ANKRD36C: variants seen among roughly 807,000 people sequenced by gnomAD.
ANKRD36C encodes the protein ankyrin repeat domain-containing protein 36C.
In ANKRD36C, 61 loss-of-function variants were observed where a neutral mutation model predicts 276.4. The observed-to-expected ratio is 0.22, with a 90% CI of 0.18 to 0.27. The LOEUF is 0.27. Ranked by LOEUF, ANKRD36C falls within the 10% of genes least tolerant of loss-of-function variation. The pLI is 1.00. For missense variants in ANKRD36C, 1,447 were observed against 2,032.3 expected (o/e 0.71, Z 5.54); for synonymous variants, 483 against 680.1 (o/e 0.71, Z 4.51).
At chr2:95,917,908 T>A (rs774974641) in exon 36 of ANKRD36C, 28 of 1,607,220 alleles carry the variant, frequency 1.7e-5, no homozygotes, top group Non-Finnish European at 2.3e-5. Flanking sequence ...CGAAACAGAA[T>A]CTTCCTCGTC....
intron 32 of ANKRD36C, among the ~76,000 whole-genome samples, chr2:95,922,136 G>A (rs1384184982): frequency 6.6e-6 from 1 of 151,594 alleles, no homozygotes; most frequent in African/African-American, 2.4e-5. Context: ...TCAATCACCT[G>A]GGAAAATCTC....
At chr2:95,931,808 C>T (rs1235717601) in intron 24 of ANKRD36C, among the ~76,000 whole-genome samples, 1 of 144,326 alleles carries the variant, frequency 6.9e-6, no homozygotes, top group African/African-American at 2.5e-5. Context: ...ATTAAAATTC[C>T]TCTATTTACA....
At chr2:95,888,533 A>T (rs1468554761) in intron 48 of ANKRD36C, among the ~76,000 whole-genome samples, 1 of 151,744 alleles carries the variant, frequency 6.6e-6, no homozygotes, top group African/African-American at 2.4e-5. Flanking sequence ...TAGTACAAAC[A>T]TTCATTGTGC....
chr2:95,883,261 C>T (rs1419777791), intron 54 of ANKRD36C, among the ~76,000 whole-genome samples: 1 of 151,982 alleles, frequency 6.6e-6, no homozygotes, highest in Non-Finnish European at 1.5e-5. Context: ...ATATGAATAA[C>T]CTTTTACATT....
chr2:95,967,540 G>A (rs1234434515), intron 6 of ANKRD36C, among the ~76,000 whole-genome samples: 7 of 152,134 alleles, frequency 4.6e-5, no homozygotes, highest in Admixed American at 2.6e-4. Flanking sequence ...ACTGTTGGTG[G>A]GAGTGTCAAT....
chr2:95,991,559 G>C (rs775746328), exon 1 of ANKRD36C: 3 of 1,613,352 alleles, frequency 1.9e-6, no homozygotes, highest in Non-Finnish European at 2.5e-6. Flanking sequence ...TGAGCAGAAC[G>C]AACTTCAGTT....
intron 66 of ANKRD36C, among the ~76,000 whole-genome samples, chr2:95,851,476 C>T (rs1386186841): frequency 6.6e-6 from 1 of 152,192 alleles, no homozygotes; most frequent in African/African-American, 2.4e-5. Context: ...GAATTACCTT[C>T]AGGCTATGTG....
At chr2:95,951,760 T>C (rs1678203656) in intron 14 of ANKRD36C, among the ~76,000 whole-genome samples, 1 of 48,472 alleles carries the variant, frequency 2.1e-5, no homozygotes, top group East Asian at 9.4e-4. Context: ...AAAAAGTAAA[T>C]TAATCACATT....
At position 95,989,122 on chromosome 2, in the gene ANKRD36C, A is replaced by G. The variant is rs374695931; in HGVS notation, c.198-1916T>C. Among the ~76,000 whole-genome samples, 25 of 152,320 alleles carry G rather than the reference A, an allele frequency of 1.6e-4. No homozygotes were observed. The East Asian group carries it at 4.0e-3, about 25-fold the overall frequency. On this transcript the variant is annotated intron_variant, in intron 1 of 66. Coordinates refer to ENST00000456556, the Ensembl canonical transcript of ANKRD36C. ...AGGCAGATTGCAGTGAGCCAAGATC[A>G]TGCCACTGCACTCCAGGCTGGGCAA...
At chr2:95,868,157 A>G (rs1311018359) in intron 59 of ANKRD36C, among the ~76,000 whole-genome samples, 1 of 152,080 alleles carries the variant, frequency 6.6e-6, no homozygotes, top group African/African-American at 2.4e-5. Flanking sequence ...TGTGGTGGAG[A>G]ATAATGCACA....
In ANKRD36C at chr2:95,917,997, A is replaced by T; in HGVS notation, c.2274+17T>A. 6.3e-7 allele frequency: 1 copy of T among 1,599,930 alleles called. No homozygotes were observed. Among genetic ancestry groups the T allele is most frequent in the Non-Finnish European group, 8.5e-7 (1 of 1,174,342 alleles). ...AGTATGTGTCATAGAATACAATGTAAATGAGAGTTTAATTACCTTCAAGGC... is the reference window on the plus strand; with the variant it reads ...AGTATGTGTCATAGAATACAATGTATATGAGAGTTTAATTACCTTCAAGGC... On this transcript the variant is annotated intron_variant, in intron 35 of 66. Transcript: ENST00000456556.
intron 42 of ANKRD36C, among the ~76,000 whole-genome samples, chr2:95,903,345 C>T (rs1450989001): frequency 5.3e-5 from 8 of 150,398 alleles, no homozygotes; most frequent in African/African-American, 2.0e-4. Flanking sequence ...ATGTCAATAT[C>T]AACGTGGATA....
At chr2:95,871,864 A>G (rs1383767248) in intron 59 of ANKRD36C, among the ~76,000 whole-genome samples, 1 of 151,120 alleles carries the variant, frequency 6.6e-6, no homozygotes, top group African/African-American at 2.4e-5. Context: ...AGGGGTTGCA[A>G]TCCTAGTCTC....
At chr2:95,914,948 C>A (rs1323561667) in intron 38 of ANKRD36C, among the ~76,000 whole-genome samples, 2 of 151,486 alleles carry the variant, frequency 1.3e-5, no homozygotes, top group South Asian at 2.1e-4. Flanking sequence ...CCAAACGTTT[C>A]TTCATCCACT....
chr2:95,862,215 G>A (rs906361122), intron 60 of ANKRD36C, among the ~76,000 whole-genome samples: 2 of 151,946 alleles, frequency 1.3e-5, no homozygotes, highest in African/African-American at 4.8e-5. Context: ...GAATAGACTT[G>A]AACAACACTA....
intron 6 of ANKRD36C, among the ~76,000 whole-genome samples, chr2:95,963,972 A>AATATATATATATATATATAT (rs1160108122): frequency 8.2e-5 from 4 of 48,976 alleles, no homozygotes; most frequent in Non-Finnish European, 1.1e-4. Flanking sequence ...TATATATATA[A>AATATATATATATATATATAT]ATATATATAT....
At chr2:95,872,757 G>A (rs1446569967) in intron 59 of ANKRD36C, among the ~76,000 whole-genome samples, 7 of 149,958 alleles carry the variant, frequency 4.7e-5, no homozygotes, top group Non-Finnish European at 1.0e-4. Flanking sequence ...CAACAAAATT[G>A]ATAGACAGCT....
intron 42 of ANKRD36C, among the ~76,000 whole-genome samples, chr2:95,904,519 TCAA>T (rs1263756139): frequency 1.7e-5 from 1 of 57,246 alleles, no homozygotes; most frequent in Non-Finnish European, 3.1e-5. Flanking sequence ...CCTTATGTCT[TCAA>T]CTGCTCTCCA....
intron 6 of ANKRD36C, among the ~76,000 whole-genome samples, chr2:95,971,447 T>C (rs1678696252): frequency 6.6e-6 from 1 of 151,998 alleles, no homozygotes; most frequent in Admixed American, 6.6e-5. Context: ...AAAATCTCTT[T>C]AGGTTCTTTT....
Sources: gnomAD v4.1 joint callset for allele counts (sites outside exome capture counted in the v4.1 genomes callset) on GRCh38, gnomAD v4.1.1 for gene constraint, MANE v1.5 for transcripts, NCBI Gene and HGNC (gene_info 2026-07-23, HGNC 2026-07-21) for gene names.